Variants in SPAG17 observed in about 807,000 individuals in gnomAD.
SPAG17 encodes the protein sperm-associated antigen 17.
In SPAG17, 169 loss-of-function variants were observed where a neutral mutation model predicts 273.6. The ratio of observed to expected loss-of-function variants is 0.62; its 90% CI spans 0.55 to 0.70. The LOEUF is 0.70. Among genes scored for constraint, SPAG17 ranks in the 30% least tolerant of loss-of-function variants. The probability of loss-of-function intolerance (pLI) is 0.00; values close to 1 mark genes in which losing one functional copy is unlikely to be tolerated. For synonymous variants in SPAG17, 825 were observed against 873.2 expected (o/e 0.94, Z 0.97); for missense variants, 2,557 against 2,627.8 (o/e 0.97, Z 0.59).
chr1:117,995,695 AACACACACACACACACACAC>A (rs10570645), intron 34 of SPAG17, among the ~76,000 whole-genome samples: 1 of 140,750 alleles, frequency 7.1e-6, no homozygotes, highest in Non-Finnish European at 1.6e-5. Context: ...AAGATGAAAT[AACACACACACACACACACAC>A]ACACACACAC....
intron 25 of SPAG17, among the ~76,000 whole-genome samples, chr1:118,030,147 T>A (rs549859366): frequency 6.6e-6 from 1 of 152,258 alleles, no homozygotes; most frequent in African/African-American, 2.4e-5. Context: ...CACTTGAACA[T>A]TTTTACTTAA....
At chr1:118,120,927 G>A (rs1162226437) in intron 3 of SPAG17, among the ~76,000 whole-genome samples, 1 of 152,140 alleles carries the variant, frequency 6.6e-6, no homozygotes, top group South Asian at 2.1e-4. Flanking sequence ...AGAATGAAAG[G>A]AACTAGTGGC....
chr1:118,116,365 C>G (rs1173392531), intron 3 of SPAG17, among the ~76,000 whole-genome samples: 1 of 152,156 alleles, frequency 6.6e-6, no homozygotes, highest in Non-Finnish European at 1.5e-5. Flanking sequence ...TTTAAGCAAG[C>G]ATCATATTTA....
rs111296079 is a variant in SPAG17, at chr1:117,976,062, G to C, written c.6005-2501C>G. Among the ~76,000 whole-genome samples, 527 of 152,244 alleles carry C rather than the reference G, an allele frequency of 3.5e-3. 2 individuals carry two copies. Among genetic ancestry groups the C allele is most frequent in the African/African-American group, 0.012 (500 of 41,538 alleles). ...AAGAGATAAAGGGTTTAAATAATGT[G>C]CCCAGTGTCACATAGCTATTACACA... On this transcript the variant is annotated intron_variant, in intron 43 of 48. Coordinates refer to ENST00000336338, the MANE Select transcript of SPAG17 (RefSeq NM_206996.4).
rs375833218 is a variant in SPAG17, at chr1:117,983,878, A to T, written c.5805T>A (p.Pro1935=). 7 of 1,612,748 alleles carry T rather than the reference A, an allele frequency of 4.3e-6. No individual in the cohort carries two copies. The highest frequency in any genetic ancestry group is 5.1e-6 in the Non-Finnish European group (6 of 1,179,316). Residue 1935 remains proline, a synonymous_variant, in exon 42 of 49, where the codon CCT becomes CCA. Transcript: ENST00000336338. ...CATCTTCATTTTTCTTTGTAAAAGA[A>T]GGCAGTTTTTTGGAAAGACTGTCCA... ...NHLDSLSKKL[P]SFTKKNEDAN...
At chr1:118,041,142 T>A (rs1649704509) in intron 21 of SPAG17, among the ~76,000 whole-genome samples, 1 of 152,160 alleles carries the variant, frequency 6.6e-6, no homozygotes, top group Admixed American at 6.5e-5. Flanking sequence ...TCCCATTCAC[T>A]GGTTGTTAAT....
In SPAG17 at chr1:118,185,223, C is replaced by T. The variant is rs1399787710; in HGVS notation, c.-66G>A. On this transcript the variant is annotated 5_prime_UTR_variant, in exon 1 of 49. Coordinates refer to ENST00000336338, the MANE Select transcript of SPAG17 (RefSeq NM_206996.4). ...GGCCCTGCCTAAGCGTCCCCGCTAC[C>T]ACAGTAACCGAAGCCACGCCCAGTT... is the stretch of plus-strand genomic sequence containing the variant. 2.0e-5 allele frequency: 27 copies of T among 1,331,396 alleles called. No individual in the cohort carries two copies. Among genetic ancestry groups the T allele is most frequent in the Non-Finnish European group, 3.2e-6 (3 of 924,078 alleles). 82.5% of individuals were successfully genotyped at this position (1,331,396 alleles called of 1,614,324 possible). A position where few individuals can be genotyped will look rare whatever the true frequency, so the allele number is the denominator to read the frequency against.
Position 117,990,907 on chromosome 1 carries a change from C to T in SPAG17, c.5476-1G>A. The T allele has an allele frequency of 6.5e-7, 1 of 1,549,228 alleles. No individual in the cohort carries two copies. The highest frequency in any genetic ancestry group is 8.8e-7 in the Non-Finnish European group (1 of 1,136,004). The stretch of plus-strand genomic sequence containing the variant: ...TAGTTTCCTCCATTTTAGGGAAAGA[C>T]TGAAATGAAGATAGAATTACTTATG... On this transcript the variant is annotated splice_acceptor_variant, in intron 37 of 48. Coordinates refer to ENST00000336338, the MANE Select transcript of SPAG17 (RefSeq NM_206996.4). LOFTEE classifies it high-confidence loss of function.
At chr1:118,079,497 T>C (rs1386727364) in intron 15 of SPAG17, among the ~76,000 whole-genome samples, 1 of 152,042 alleles carries the variant, frequency 6.6e-6, no homozygotes, top group Admixed American at 6.6e-5. Context: ...ATATAAAAGA[T>C]TTATCAATAT....
intron 17 of SPAG17, among the ~76,000 whole-genome samples, chr1:118,069,149 T>C (rs1176756949): frequency 1.3e-5 from 2 of 151,700 alleles, no homozygotes; most frequent in Non-Finnish European, 2.9e-5. Flanking sequence ...ATTGAGACCA[T>C]CCTCACCAAC....
intron 3 of SPAG17, among the ~76,000 whole-genome samples, chr1:118,145,653 T>C (rs1658940128): frequency 6.6e-6 from 1 of 152,096 alleles, no homozygotes; most frequent in African/African-American, 2.4e-5. Context: ...AAGATATATT[T>C]GTTAAAAAGT....
At chr1:118,017,104 G>C (rs997903322) in intron 28 of SPAG17, among the ~76,000 whole-genome samples, 3 of 152,100 alleles carry the variant, frequency 2.0e-5, no homozygotes, top group Admixed American at 2.0e-4. Flanking sequence ...AAGAACCAAA[G>C]GCAGATAAAT....
chr1:117,993,343 G>A (rs902613666), intron 35 of SPAG17, among the ~76,000 whole-genome samples: 2 of 152,196 alleles, frequency 1.3e-5, no homozygotes, highest in Non-Finnish European at 2.9e-5. Flanking sequence ...CAGAGCATAA[G>A]GGTTTCAGAG....
intron 17 of SPAG17, among the ~76,000 whole-genome samples, chr1:118,068,678 T>C (rs1557982766): frequency 6.6e-6 from 1 of 152,208 alleles, no homozygotes; most frequent in Non-Finnish European, 1.5e-5. Context: ...TAGTTAAGTT[T>C]TTCATTAAAA....
intron 25 of SPAG17, among the ~76,000 whole-genome samples, chr1:118,029,829 A>C (rs1648216831): frequency 6.6e-6 from 1 of 152,206 alleles, no homozygotes; most frequent in African/African-American, 2.4e-5. Flanking sequence ...ATTGTTGAAC[A>C]TTTAAGTTGT....
At chr1:118,035,060 CTTG>C (rs1194334945) in intron 24 of SPAG17, among the ~76,000 whole-genome samples, 2 of 152,006 alleles carry the variant, frequency 1.3e-5, no homozygotes, top group African/African-American at 4.8e-5. Flanking sequence ...GGAATGGAAA[CTTG>C]TTAAGCCATT....
At chr1:118,134,653 A>T (rs1223626809) in intron 3 of SPAG17, among the ~76,000 whole-genome samples, 1 of 152,110 alleles carries the variant, frequency 6.6e-6, no homozygotes, top group Non-Finnish European at 1.5e-5. Flanking sequence ...CCCCATACCT[A>T]AAGGATAAAC....
rs116040304 is a variant in SPAG17, at chr1:118,072,032, T to C, written c.2385+1822A>G. 4.1e-3 allele frequency among the ~76,000 whole-genome samples: 621 copies of C among 152,156 alleles called. 8 individuals carry two copies. The highest frequency in any genetic ancestry group is 0.014 in the African/African-American group (597 of 41,502). The stretch of plus-strand genomic sequence containing the variant: ...CATATCAACAGGAAATCAAGAGCAT[T>C]GGAACAAAGAGAAGATCTTAAAATC... On this transcript the variant is annotated intron_variant, in intron 17 of 48. Transcript: ENST00000336338.
Position 118,154,119 on chromosome 1 carries a change from G to A in SPAG17, c.88-2750C>T, listed in dbSNP as rs776959271. 4.6e-5 allele frequency among the ~76,000 whole-genome samples: 7 copies of A among 152,120 alleles called. 1 individual carries two copies. The South Asian group carries it at 8.3e-4, about 18-fold the overall frequency. Reference sequence around the variant, plus strand: ...AGACAGTCTGCCCAGGCGAGAGCACGTTCAGATTTGTTTAGAGCTCTCTAG... The same window carrying A: ...AGACAGTCTGCCCAGGCGAGAGCACATTCAGATTTGTTTAGAGCTCTCTAG... On this transcript the variant is annotated intron_variant, in intron 1 of 48. Coordinates refer to ENST00000336338, the MANE Select transcript of SPAG17 (RefSeq NM_206996.4).
Sources: gnomAD v4.1 joint callset for allele counts (sites outside exome capture counted in the v4.1 genomes callset) on GRCh38, gnomAD v4.1.1 for gene constraint, MANE v1.5 for transcripts, NCBI Gene and HGNC (gene_info 2026-07-23, HGNC 2026-07-21) for gene names.